The following MASTL variants were observed in gnomAD, a reference collection of about 807,000 sequenced individuals.
MASTL encodes serine/threonine-protein kinase greatwall.
In MASTL, 54 loss-of-function variants were observed where a neutral mutation model predicts 82.5. The observed-to-expected ratio is 0.65, with a 90% confidence interval of 0.53 to 0.82. The LOEUF (loss-of-function observed/expected upper bound fraction) is 0.82. Ranked by LOEUF, MASTL falls within the 40% of genes least tolerant of loss-of-function variation. MASTL has a pLI of 0.00. For missense variants in MASTL, 950 were observed against 1,047.8 expected, an observed-to-expected ratio of 0.91 and a Z score of 1.29; for synonymous variants, 323 against 368.9, an observed-to-expected ratio of 0.88 and a Z score of 1.43.
intron 11 of MASTL, among the ~76,000 whole-genome samples, chr10:27,183,954 C>T (rs544734056): frequency 7.2e-5 from 11 of 152,218 alleles, no homozygotes; most frequent in Middle Eastern, 3.4e-3. Context: ...TCAAGCCATC[C>T]GCCCACCTTG....
chr10:27,168,712 G>A (rs992504645), intron 7 of MASTL, among the ~76,000 whole-genome samples: 1 of 152,102 alleles, frequency 6.6e-6, no homozygotes, highest in African/African-American at 2.4e-5. Flanking sequence ...AGCTACTCAG[G>A]AGGCTGAGGC....
rs961589570 is a variant in MASTL, at chr10:27,177,854, A to T, written c.2267-3099A>T. 5.6e-6 allele frequency: 5 copies of T among 888,908 alleles called. No individual in the cohort carries two copies. The South Asian group carries it at 2.1e-4, about 37-fold the overall frequency. 55.1% of individuals were successfully genotyped at this position (888,908 alleles called of 1,614,324 possible). On this transcript the variant is annotated intron_variant, in intron 9 of 11. Coordinates refer to ENST00000375940, the MANE Select transcript of MASTL (RefSeq NM_001172303.3). ...TCTATAAAGTAATGCGGCAAAGCAC[A>T]TTAAACTGAACAGTCAAAGTATAAC...
At chr10:27,161,709 A>G (rs1342518812) in intron 4 of MASTL, among the ~76,000 whole-genome samples, 1 of 152,156 alleles carries the variant, frequency 6.6e-6, no homozygotes, top group Non-Finnish European at 1.5e-5. Context: ...AATAGGAGTG[A>G]TTATTCTTGG....
rs1166317900 is a variant in MASTL at position 27,171,046 on chromosome 10, C to T, written c.2087C>T (p.Thr696Ile). 9.9e-6 allele frequency: 16 copies of T among 1,613,996 alleles called. No individual in the cohort carries two copies. Among genetic ancestry groups the T allele is most frequent in the Non-Finnish European group, 1.3e-5 (15 of 1,179,952 alleles). ...AYSGSYPMAI[T>I]PTQKRRSCMP... ...AGTGGTTCATATCCCATGGCTATAA[C>T]CCCTACTCAAAAAAGAAGATCCTGT... Residue 696 changes from threonine to isoleucine, a missense_variant, in exon 8 of 12, where the codon ACC becomes ATC. Physicochemically the swap from Thr to Ile is moderately conservative, Grantham distance 89. Coordinates refer to ENST00000375940, the MANE Select transcript of MASTL (RefSeq NM_001172303.3).
rs1415902997 is a variant in MASTL at position 27,171,052 on chromosome 10, C to T, written c.2093C>T (p.Thr698Ile). The T allele has an allele frequency of 1.2e-5, 19 of 1,613,866 alleles. No individual in the cohort carries two copies. Among genetic ancestry groups the T allele is most frequent in the Non-Finnish European group, 1.5e-5 (18 of 1,179,948 alleles). The change falls in exon 8 of 12, where the codon ACT (threonine) becomes ATT (isoleucine). Residue 698 changes from threonine to isoleucine, a missense_variant. Physicochemically the swap from Thr to Ile is moderately conservative, Grantham distance 89. Coordinates refer to ENST00000375940, the MANE Select transcript of MASTL (RefSeq NM_001172303.3). The stretch of plus-strand genomic sequence containing the variant: ...TCATATCCCATGGCTATAACCCCTA[C>T]TCAAAAAAGAAGATCCTGTATGCCA... ...SGSYPMAITPTQKRRSCMPHQ... is the reference protein window; with the variant it reads ...SGSYPMAITPIQKRRSCMPHQ...
chr10:27,167,353 A>C, intron 7 of MASTL, 79 bp downstream of exon 7: 5 of 1,249,342 alleles, frequency 4.0e-6, no homozygotes, highest in South Asian at 1.2e-5. Context: ...TTTTCATATA[A>C]ATTCCATAAA....
In MASTL at chr10:27,158,567, A is replaced by G. The variant is rs2057467685; in HGVS notation, c.205A>G (p.Met69Val). 1 of 1,606,288 alleles carries G rather than the reference A, an allele frequency of 6.2e-7. No homozygotes were observed. Among genetic ancestry groups the G allele is most frequent in the Non-Finnish European group, 8.5e-7 (1 of 1,172,872 alleles). ...YAVKVVKKADMINKNMTHQVQ... is the reference protein window; with the variant it reads ...YAVKVVKKADVINKNMTHQVQ... ...ATTACAGGTTGTTAAAAAAGCAGAC[A>G]TGATCAACAAAAATATGACTCATCA... is the stretch of plus-strand genomic sequence containing the variant. The change falls in exon 2 of 12, where the codon ATG (methionine) becomes GTG (valine). Residue 69 changes from methionine to valine, a missense_variant. Transcript: ENST00000375940.
intron 11 of MASTL, among the ~76,000 whole-genome samples, chr10:27,185,710 C>T (rs1398618108): frequency 6.6e-6 from 1 of 151,120 alleles, no homozygotes; most frequent in East Asian, 1.9e-4. Context: ...ACCACTCAAC[C>T]TGGGAGATGG....
At chr10:27,182,744 A>G (rs1205500092) in intron 11 of MASTL, among the ~76,000 whole-genome samples, 1 of 151,138 alleles carries the variant, frequency 6.6e-6, no homozygotes, top group East Asian at 1.9e-4. Context: ...CTCTGGCTCA[A>G]AAAAAATTAT....
intron 6 of MASTL, 118 bp downstream of exon 6, chr10:27,165,657 G>A: frequency 8.3e-7 from 1 of 1,206,474 alleles, no homozygotes; most frequent in Non-Finnish European, 1.2e-6. Context: ...CTGTCATCCA[G>A]GCTGGAGTGC....
Position 27,158,678 on chromosome 10 carries a change from G to T in MASTL, c.316G>T (p.Val106Phe), listed in dbSNP as rs780474605. 5.0e-6 allele frequency: 8 copies of T among 1,613,860 alleles called. No individual in the cohort carries two copies. Among genetic ancestry groups the T allele is most frequent in the Non-Finnish European group, 6.8e-6 (8 of 1,179,892 alleles). ...TTATTCACTGCAGTCTGCAAACAATGTCTACTTGGTGAGTAAATAATTTTT... is the reference window on the plus strand; with the variant it reads ...TTATTCACTGCAGTCTGCAAACAATTTCTACTTGGTGAGTAAATAATTTTT... The part of the protein sequence containing the change: ...LYYSLQSANN[V>F]YLVMEYLIGG... The change falls in exon 2 of 12, where the codon GTC (valine) becomes TTC (phenylalanine). Residue 106 changes from valine (V) to phenylalanine (F), a missense_variant. Transcript: ENST00000375940.
upstream of MASTL, chr10:27,155,311 C>CG (rs150868633): frequency 0.027 from 27,489 of 1,030,070 alleles, 466 homozygotes; most frequent in Non-Finnish European, 0.031. Flanking sequence ...GGCGCGGCGG[C>CG]GGGGTGACGT....
At chr10:27,162,087 A>T (rs2057589799) in intron 4 of MASTL, among the ~76,000 whole-genome samples, 2 of 152,224 alleles carry the variant, frequency 1.3e-5, no homozygotes, top group African/African-American at 4.8e-5. Context: ...AGTTAGTAAT[A>T]CTACCAAAAA....
intron 4 of MASTL, among the ~76,000 whole-genome samples, chr10:27,163,421 T>C (rs1255684301): frequency 6.6e-6 from 1 of 152,194 alleles, no homozygotes; most frequent in Non-Finnish European, 1.5e-5. Context: ...TTGGAAAATA[T>C]CACAAATGAC....
chr10:27,155,641 G>C, intron 1 of MASTL, 29 bp downstream of exon 1: 5 of 1,612,956 alleles, frequency 3.1e-6, no homozygotes, highest in Non-Finnish European at 4.2e-6. Context: ...GCAAGGAAGG[G>C]GTTAGGCCCT....
intron 11 of MASTL, among the ~76,000 whole-genome samples, chr10:27,183,359 C>G (rs944770748): frequency 1.3e-5 from 2 of 152,120 alleles, no homozygotes; most frequent in African/African-American, 2.4e-5. Flanking sequence ...TCTCGGCTCA[C>G]TGCAACCTCC....
intron 11 of MASTL, among the ~76,000 whole-genome samples, chr10:27,182,258 A>AG (rs1447126981): frequency 1.3e-5 from 2 of 151,278 alleles, no homozygotes; most frequent in African/African-American, 4.9e-5. Context: ...AAAAAAAAAA[A>AG]AAATCAAGTT....
At position 27,165,189 on chromosome 10, in the gene MASTL, A is replaced by G. The variant is rs752480027; in HGVS notation, c.660+19A>G. On this transcript the variant is annotated intron_variant, in intron 5 of 11. Coordinates refer to ENST00000375940, the MANE Select transcript of MASTL (RefSeq NM_001172303.3). Reference sequence around the variant, plus strand: ...GGGATTTGTAAGTACTTGAGAAGAAAATTAACATGACATACCCCTTCATGA... The same window carrying G: ...GGGATTTGTAAGTACTTGAGAAGAAGATTAACATGACATACCCCTTCATGA... The G allele has an allele frequency of 1.3e-6, 2 of 1,540,378 alleles. No homozygotes were observed. The highest frequency in any genetic ancestry group is 4.5e-5 in the East Asian group (2 of 44,474).
At chr10:27,168,257 T>C (rs904321582) in intron 7 of MASTL, among the ~76,000 whole-genome samples, 18 of 152,224 alleles carry the variant, frequency 1.2e-4, no homozygotes, top group African/African-American at 4.1e-4. Flanking sequence ...AGGTACTATA[T>C]GCTGCAAGAT....
Sources: allele counts gnomAD v4.1 joint callset (sites outside exome capture counted in the v4.1 genomes callset), GRCh38; gene constraint gnomAD v4.1.1; transcripts MANE v1.5; gene names NCBI Gene and HGNC (gene_info 2026-07-23, HGNC 2026-07-21).